The following ZNF605 variants were observed in gnomAD, a reference collection of about 807,000 sequenced individuals.
ZNF605 encodes zinc finger protein 605.
In ZNF605, 9 loss-of-function variants were observed where a neutral mutation model predicts 7.9. That is an observed-to-expected ratio of 1.14 (90% CI 0.68 to 1.98). The LOEUF (loss-of-function observed/expected upper bound fraction) is 1.98, where lower values mean the gene tolerates loss of function less well. Ranked by LOEUF, ZNF605 falls within the 30% of genes most tolerant of loss-of-function variation. The pLI is 0.00. For synonymous variants in ZNF605, 255 were observed against 260.1 expected (o/e 0.98, Z 0.19); for missense variants, 673 against 762.4 (o/e 0.88, Z 1.38).
chr12:132,948,539 G>C (rs1292846342), intron 1 of ZNF605: 1 of 152,284 alleles, frequency 6.6e-6, no homozygotes, highest in African/African-American at 2.4e-5. Flanking sequence ...CACGAGGCCA[G>C]TGGCACCTTT....
chr12:132,951,854 A>T (rs1186373400), intron 1 of ZNF605, among the ~76,000 whole-genome samples: 1 of 151,534 alleles, frequency 6.6e-6, no homozygotes, highest in Non-Finnish European at 1.5e-5. Flanking sequence ...CATACATCAC[A>T]CACTATACTC....
At position 132,926,455 on chromosome 12, in the gene ZNF605, T is replaced by A; in HGVS notation, c.844A>T (p.Ser282Cys). ...QITHTIEKPY[S>C]CSECGKAFSQ... ...AATGCTTTCCCACACTCACTGCAACTGTAGGGTTTCTCTATTGTGTGCGTT... is the reference window on the plus strand; with the variant it reads ...AATGCTTTCCCACACTCACTGCAACAGTAGGGTTTCTCTATTGTGTGCGTT... The change falls in exon 5 of 5, where the codon AGT (serine) becomes TGT (cysteine). Residue 282 changes from serine (S) to cysteine (C), a missense_variant. Coordinates refer to ENST00000360187, the MANE Select transcript of ZNF605 (RefSeq NM_183238.4). The A allele has an allele frequency of 6.2e-7, 1 of 1,614,040 alleles. No individual in the cohort carries two copies. The highest frequency in any genetic ancestry group is 8.5e-7 in the Non-Finnish European group (1 of 1,179,994).
chr12:132,925,847 T>C lies in ZNF605; in HGVS notation c.1452A>G (p.Lys484=). Residue 484 remains lysine, a synonymous_variant, in exon 5 of 5, where the codon AAA becomes AAG. Coordinates refer to ENST00000360187, the MANE Select transcript of ZNF605 (RefSeq NM_183238.4). ...TGAGACTTGACTTCTCACTGAAGGT[T>C]TTCCTGCATTCACTGCATTCATAGG... The part of the protein sequence containing the change: ...EKPYECSECR[K]TFSEKSSLIH... 1.2e-6 allele frequency: 2 copies of C among 1,614,162 alleles called. No individual in the cohort carries two copies. Among genetic ancestry groups the C allele is most frequent in the Non-Finnish European group, 1.7e-6 (2 of 1,180,006 alleles).
At chr12:132,936,798 G>C (rs1952371451) in intron 3 of ZNF605, among the ~76,000 whole-genome samples, 1 of 152,014 alleles carries the variant, frequency 6.6e-6, no homozygotes, top group Non-Finnish European at 1.5e-5. Flanking sequence ...TGTGACTTTG[G>C]GTTTGGCAAT....
Position 132,926,404 on chromosome 12 carries a change from G to A in ZNF605, c.895C>T (p.His299Tyr). 6.2e-7 allele frequency: 1 copy of A among 1,614,102 alleles called. No homozygotes were observed. Among genetic ancestry groups the A allele is most frequent in the Non-Finnish European group, 8.5e-7 (1 of 1,180,022 alleles). ...AFSQKLKLIT[H>Y]QRAHTGEKPY... ...TTCTCTCCTGTGTGCGCTCTCTGAT[G>A]TGTGATGAGTTTTAATTTCTGGGAG... Residue 299 changes from histidine to tyrosine, a missense_variant, in exon 5 of 5, where the codon CAT becomes TAT. His to Tyr is a moderately conservative substitution (Grantham distance 83). Coordinates refer to ENST00000360187, the MANE Select transcript of ZNF605 (RefSeq NM_183238.4).
intron 1 of ZNF605, among the ~76,000 whole-genome samples, chr12:132,953,578 C>A (rs1272269461): frequency 6.6e-6 from 1 of 152,142 alleles, no homozygotes; most frequent in Admixed American, 6.6e-5. Flanking sequence ...AGGCGCCCAC[C>A]ACCATGCCCA....
In ZNF605 at chr12:132,941,376, C is replaced by G. The variant is rs1408269542; in HGVS notation, c.15+4245G>C. 6.6e-6 allele frequency among the ~76,000 whole-genome samples: 1 copy of G among 152,174 alleles called. No homozygotes were observed. The highest frequency in any genetic ancestry group is 2.4e-5 in the African/African-American group (1 of 41,448). On this transcript the variant is annotated intron_variant, in intron 3 of 4. Coordinates refer to ENST00000360187, the MANE Select transcript of ZNF605 (RefSeq NM_183238.4). The surrounding 1 kb of genome is among the most constrained non-coding windows in gnomAD (Gnocchi z 5.1). ...GGTCAATCGGCCATGACATTCTCGG[C>G]AGGTAGATCAATGTTTCGCTGTTTC... is the stretch of plus-strand genomic sequence containing the variant.
Position 132,922,610 on chromosome 12 carries a change from C to G in ZNF605, c.*2763G>C, listed in dbSNP as rs911408045. The G allele has an allele frequency of 1.3e-5, 2 of 152,176 alleles. No individual in the cohort carries two copies. Among genetic ancestry groups the G allele is most frequent in the African/African-American group, 4.8e-5 (2 of 41,440 alleles). The allele number at this position is 152,176 out of a possible 1,614,324, so 9.4% of individuals were successfully genotyped here. A position where few individuals can be genotyped will look rare whatever the true frequency, so the allele number is the denominator to read the frequency against. ...CAGATGGCACAGAAAATAAATGGCA[C>G]ACTCAGAATATTAACTCAAGAACAA... On this transcript the variant is annotated 3_prime_UTR_variant, in exon 5 of 5. Coordinates refer to ENST00000360187, the MANE Select transcript of ZNF605 (RefSeq NM_183238.4).
chr12:132,926,346 A>G lies in ZNF605; in HGVS notation c.953T>C (p.Phe318Ser). The G allele has an allele frequency of 1.2e-6, 2 of 1,614,152 alleles. No homozygotes were observed. The highest frequency in any genetic ancestry group is 1.7e-6 in the Non-Finnish European group (2 of 1,180,026). ...AGTAATCAGCTGCGACTTCCAAAAG[A>G]AGGCTTTTCCACAGTGACTACATGG... ...PYPCSHCGKA[F>S]FWKSQLITHQ... The change falls in exon 5 of 5, where the codon TTC becomes TCC. Residue 318 changes from phenylalanine to serine, a missense_variant. Phe to Ser is a radical substitution (Grantham distance 155, BLOSUM62 -2). Coordinates refer to ENST00000360187, the MANE Select transcript of ZNF605 (RefSeq NM_183238.4).
intron 1 of ZNF605, among the ~76,000 whole-genome samples, chr12:132,955,048 A>C (rs1952621308): frequency 6.6e-6 from 1 of 152,168 alleles, no homozygotes; most frequent in South Asian, 2.1e-4. Flanking sequence ...TGTCAAATAA[A>C]ACATACAACT....
chr12:132,935,732 A>T (rs2137137579), intron 3 of ZNF605, among the ~76,000 whole-genome samples: 1 of 147,240 alleles, frequency 6.8e-6, no homozygotes, highest in African/African-American at 2.4e-5. Flanking sequence ...CTCTACTAAA[A>T]ATACAAAAAA....
intron 3 of ZNF605, among the ~76,000 whole-genome samples, chr12:132,940,983 A>G (rs1338040043): frequency 6.6e-6 from 1 of 152,070 alleles, no homozygotes; most frequent in Non-Finnish European, 1.5e-5. Context: ...ATAAATAAGA[A>G]CAGAGAACAT....
intron 1 of ZNF605, among the ~76,000 whole-genome samples, chr12:132,952,288 C>G (rs1952581336): frequency 6.6e-6 from 1 of 151,656 alleles, no homozygotes. Flanking sequence ...GGTGAAACCC[C>G]ATCTTTACTA....
rs1952243153 is a variant in ZNF605 at position 132,926,012 on chromosome 12, G to A, written c.1287C>T (p.Thr429=). The A allele has an allele frequency of 9.3e-6, 15 of 1,614,012 alleles. No individual in the cohort carries two copies. Among genetic ancestry groups the A allele is most frequent in the African/African-American group, 1.3e-5 (1 of 74,894 alleles). Residue 429 remains threonine, a synonymous_variant, in exon 5 of 5, where the codon ACC becomes ACT. Transcript: ENST00000360187. ...TTAGGAGCTGGGACTTCCCAAAGAA[G>A]GTTTTCCCACATTGAATGCATCCAT... is the stretch of plus-strand genomic sequence containing the variant. The part of the protein sequence containing the change: ...KPYGCIQCGK[T]FFGKSQLLTH...
chr12:132,952,909 C>T (rs956505216), intron 1 of ZNF605, among the ~76,000 whole-genome samples: 4 of 152,000 alleles, frequency 2.6e-5, no homozygotes. Flanking sequence ...CCAGACCCAC[C>T]AACACGGCCC....
intron 1 of ZNF605, among the ~76,000 whole-genome samples, chr12:132,948,956 G>A (rs955189664): frequency 6.6e-6 from 1 of 152,170 alleles, no homozygotes; most frequent in Non-Finnish European, 1.5e-5. Flanking sequence ...CGTAGCTCAC[G>A]CCTGGCACCT....
intron 3 of ZNF605, chr12:132,944,693 A>G (rs1952480247): frequency 6.6e-6 from 1 of 152,282 alleles, no homozygotes; most frequent in Non-Finnish European, 1.5e-5. Flanking sequence ...CTTAGCTGAC[A>G]TTGAGGAGCT....
intron 3 of ZNF605, among the ~76,000 whole-genome samples, chr12:132,937,007 A>T (rs1952373527): frequency 6.6e-6 from 1 of 152,234 alleles, no homozygotes; most frequent in African/African-American, 2.4e-5. Context: ...AACTCTTACT[A>T]AGAAAATAAC....
intron 1 of ZNF605, among the ~76,000 whole-genome samples, chr12:132,954,449 A>AGGAGAAGTGTGGGGAGGGGG (rs1952612615): frequency 4.5e-4 from 1 of 2,204 alleles, no homozygotes; most frequent in Non-Finnish European, 9.6e-4. Flanking sequence ...TAGGGAGGGG[A>AGGAGAAGTGTGGGGAGGGGG]GGAGAAGGGT....
Sources: allele counts gnomAD v4.1 joint callset (sites outside exome capture counted in the v4.1 genomes callset), GRCh38; gene constraint gnomAD v4.1.1; non-coding constraint Gnocchi (gnomAD v3.1); transcripts MANE v1.5; gene names NCBI Gene and HGNC (gene_info 2026-07-23, HGNC 2026-07-21).